The following ZNF225 variants were observed in gnomAD, a reference collection of about 807,000 sequenced individuals.
ZNF225 encodes zinc finger protein 225.
A neutral mutation model predicts 12.0 loss-of-function variants in ZNF225; 6 were observed. That is an observed-to-expected ratio of 0.50 (90% CI 0.27 to 0.98). ZNF225 has a LOEUF of 0.98. ZNF225 is among the 50% of genes least tolerant of loss of function. The pLI is 0.11. For missense variants in ZNF225, 763 were observed against 848.2 expected, an observed-to-expected ratio of 0.90 and a Z score of 1.25; for synonymous variants, 271 against 283.2, an observed-to-expected ratio of 0.96 and a Z score of 0.43.
At chr19:44,126,981 A>G (rs1210958859) in intron 4 of ZNF225, among the ~76,000 whole-genome samples, 1 of 152,330 alleles carries the variant, frequency 6.6e-6, no homozygotes, top group East Asian at 1.9e-4. Flanking sequence ...GCTGCAAAAG[A>G]AAAGGGCTTG....
Position 44,131,191 on chromosome 19 carries a change from A to G in ZNF225, c.577A>G (p.Ile193Val). 6.2e-7 allele frequency: 1 copy of G among 1,614,236 alleles called. No individual in the cohort carries two copies. The highest frequency in any genetic ancestry group is 8.5e-7 in the Non-Finnish European group (1 of 1,180,050). Residue 193 changes from isoleucine (I) to valine (V), a missense_variant, in exon 5 of 5, where the codon ATT (isoleucine) becomes GTT (valine). Physicochemically the swap from Ile to Val is conservative, Grantham distance 29. Coordinates refer to ENST00000262894, the MANE Select transcript of ZNF225 (RefSeq NM_013362.4). The part of the protein sequence containing the change: ...KSFCYSSALR[I>V]HQRVHMGEKL... ...TTTCTGTTATAGCTCAGCTCTTCGT[A>G]TTCATCAGAGAGTTCACATGGGGGA...
At chr19:44,120,757 G>A in intron 4 of ZNF225, among the ~76,000 whole-genome samples, 1 of 152,114 alleles carries the variant, frequency 6.6e-6, no homozygotes, top group East Asian at 1.9e-4. Flanking sequence ...GGGTATAGGT[G>A]ATATTTGGTT....
chr19:44,124,681 T>C (rs568248002), intron 4 of ZNF225, among the ~76,000 whole-genome samples: 43 of 152,342 alleles, frequency 2.8e-4, no homozygotes, highest in African/African-American at 1.0e-3. Flanking sequence ...AATTGTTTTA[T>C]AAATTTGGGA....
At chr19:44,127,551 CT>C (rs1340171023) in intron 4 of ZNF225, among the ~76,000 whole-genome samples, 1 of 152,206 alleles carries the variant, frequency 6.6e-6, no homozygotes, top group East Asian at 1.9e-4. Context: ...CTAGTCCTGC[CT>C]TCCGTCCGCC....
At chr19:44,126,443 G>T (rs919005277) in intron 4 of ZNF225, among the ~76,000 whole-genome samples, 1 of 152,180 alleles carries the variant, frequency 6.6e-6, no homozygotes, top group Non-Finnish European at 1.5e-5. Context: ...AGTGGAGGTG[G>T]TGGGGGTGTG....
Position 44,133,546 on chromosome 19 carries a change from G to C in ZNF225, c.*811G>C, listed in dbSNP as rs1968330121. 1 of 152,050 alleles carries C rather than the reference G, an allele frequency of 6.6e-6. No homozygotes were observed. Among genetic ancestry groups the C allele is most frequent in the Admixed American group, 6.6e-5 (1 of 15,258 alleles). The allele number at this position is 152,050 out of a possible 1,614,324, so 9.4% of individuals were successfully genotyped here. A position where few individuals can be genotyped will look rare whatever the true frequency, so the allele number is the denominator to read the frequency against. ...ATAAGTGAAGGAGTGGAAAAATCCT[G>C]GAGATAGAAATCAAGGGGTATACAT... On this transcript the variant is annotated 3_prime_UTR_variant, in exon 5 of 5. Coordinates refer to ENST00000262894, the MANE Select transcript of ZNF225 (RefSeq NM_013362.4).
chr19:44,131,257 CAG>C lies in ZNF225; in HGVS notation c.646_647del (p.Ser216LeufsTer19). ...TGATGTGTGTGGTAAGGAATTCAAT[CAG>C]AGCTCACATCTGCAAATTCATCAGA... ...NCDVCGKEFN[Q>X]SSHLQIHQRI... On this transcript the variant is annotated frameshift_variant, in exon 5 of 5. Transcript: ENST00000262894. LOFTEE classifies it low-confidence loss of function (END_TRUNC). The C allele has an allele frequency of 6.2e-7, 1 of 1,614,200 alleles. No homozygotes were observed.
At chr19:44,113,918 C>A (rs1266629010) in intron 1 of ZNF225, 1 of 236,796 alleles carries the variant, frequency 4.2e-6, no homozygotes. Flanking sequence ...CTGGTGGTCT[C>A]TTGTTAATTT....
chr19:44,128,863 T>C (rs757875718), intron 4 of ZNF225: 70 of 398,088 alleles, frequency 1.8e-4, no homozygotes, highest in Non-Finnish European at 2.8e-4. Flanking sequence ...TGAAAATGGG[T>C]ATAAAGGTCT....
In ZNF225 at chr19:44,132,000, G is replaced by A; in HGVS notation, c.1386G>A (p.Gly462=). Residue 462 remains glycine, a synonymous_variant, in exon 5 of 5, where the codon GGG becomes GGA. Transcript: ENST00000262894. ...GEKPYNCKEC[G]KSFGWASCLL... is the part of the protein sequence containing the mutation. ...AACCCTATAATTGTAAGGAATGTGG[G>A]AAGAGCTTTGGCTGGGCCTCGTGTC... 6.2e-7 allele frequency: 1 copy of A among 1,613,972 alleles called. No individual in the cohort carries two copies. Among genetic ancestry groups the A allele is most frequent in the East Asian group, 2.2e-5 (1 of 44,860 alleles).
intron 1 of ZNF225, among the ~76,000 whole-genome samples, chr19:44,114,625 C>T (rs996518252): frequency 6.6e-6 from 1 of 152,174 alleles, no homozygotes; most frequent in Non-Finnish European, 1.5e-5. Flanking sequence ...ATTCTCCTGC[C>T]TCAGCCTCCC....
Position 44,131,096 on chromosome 19 carries a change from C to A in ZNF225, c.482C>A (p.Ser161Tyr). The change falls in exon 5 of 5, where the codon TCC (serine) becomes TAC (tyrosine). Residue 161 changes from serine to tyrosine, a missense_variant. Transcript: ENST00000262894. ...TGTAAAAAGTCCTTTAGTGATGTCTCCGTCCTTGATCTTCATCAACAACTA... is the reference window on the plus strand; with the variant it reads ...TGTAAAAAGTCCTTTAGTGATGTCTACGTCCTTGATCTTCATCAACAACTA... ...RTCKKSFSDV[S>Y]VLDLHQQLQS... The A allele has an allele frequency of 6.2e-7, 1 of 1,614,130 alleles. No individual in the cohort carries two copies. The highest frequency in any genetic ancestry group is 1.1e-5 in the South Asian group (1 of 91,088).
At position 44,118,073 on chromosome 19, in the gene ZNF225, A is replaced by G. The variant is rs1967976257; in HGVS notation, c.16-115A>G. 8 of 1,150,024 alleles carry G rather than the reference A, an allele frequency of 7.0e-6. No individual in the cohort carries two copies. In the Admixed American group the frequency reaches 1.9e-4, roughly 27 times the overall value. The allele number at this position is 1,150,024 out of a possible 1,614,324, so 71.2% of individuals were successfully genotyped here. ...AAAAAGGAAGTCTGTGTGTTGACCT[A>G]TGTCTCTCAAGATCCAAAACAGCTT... On this transcript the variant is annotated intron_variant, in intron 2 of 4. Transcript: ENST00000262894.
rs374192346 is a variant in ZNF225 at position 44,132,516 on chromosome 19, A to G, written c.1902A>G (p.Arg634=). 20 of 1,613,962 alleles carry G rather than the reference A, an allele frequency of 1.2e-5. No homozygotes were observed. The African/African-American group carries it at 2.4e-4, about 19-fold the overall frequency. ...YKCEKCGKSF[R]WASTHLTHQR... ...GTGAGAAGTGTGGAAAGAGCTTCAGATGGGCCTCAACTCATCTAACCCATC... is the reference window on the plus strand; with the variant it reads ...GTGAGAAGTGTGGAAAGAGCTTCAGGTGGGCCTCAACTCATCTAACCCATC... The change falls in exon 5 of 5, where the codon AGA becomes AGG. Residue 634 remains arginine (R), a synonymous_variant. Coordinates refer to ENST00000262894, the MANE Select transcript of ZNF225 (RefSeq NM_013362.4).
chr19:44,118,808 C>G (rs1232933079), intron 4 of ZNF225, among the ~76,000 whole-genome samples: 3 of 151,652 alleles, frequency 2.0e-5, no homozygotes, highest in Admixed American at 2.0e-4. Context: ...GGCTCAAAAG[C>G]CTTTCTGGCT....
chr19:44,111,454 AAAC>A (rs1404448030), upstream of ZNF225, among the ~76,000 whole-genome samples: 1 of 152,154 alleles, frequency 6.6e-6, no homozygotes, highest in African/African-American at 2.4e-5. Flanking sequence ...AACAAACAAA[AAAC>A]AACCAAAACT....
rs11880898 is a variant in ZNF225, at chr19:44,118,768, T to A, written c.235+194T>A. On this transcript the variant is annotated intron_variant, in intron 4 of 4. Coordinates refer to ENST00000262894, the MANE Select transcript of ZNF225 (RefSeq NM_013362.4). The stretch of plus-strand genomic sequence containing the variant: ...TGTTTTCCTCATGGCAGCCAATGTA[T>A]TCCTTAGGAAAGTCAGACTGCCATT... Among the ~76,000 whole-genome samples, 4,257 of 152,172 alleles carry A rather than the reference T, an allele frequency of 0.028. 208 individuals are homozygous for A. Among genetic ancestry groups the A allele is most frequent in the African/African-American group, 0.095 (3,927 of 41,490 alleles).
In ZNF225 at chr19:44,132,162, G is replaced by A. The variant is rs1257049510; in HGVS notation, c.1548G>A (p.Glu516=). 6.2e-7 allele frequency: 1 copy of A among 1,613,740 alleles called. No homozygotes were observed. Among genetic ancestry groups the A allele is most frequent in the Non-Finnish European group, 8.5e-7 (1 of 1,179,884 alleles). Reference sequence around the variant, plus strand: ...GAGAAAAACCATTCAAATGTGAAGAGTGTGGGAAAAGATTTACTCAGAATT... The same window carrying A: ...GAGAAAAACCATTCAAATGTGAAGAATGTGGGAAAAGATTTACTCAGAATT... ...HSGEKPFKCE[E]CGKRFTQNSQ... is the part of the protein sequence containing the mutation. The change falls in exon 5 of 5, where the codon GAG becomes GAA. Residue 516 remains glutamate, a synonymous_variant. Coordinates refer to ENST00000262894, the MANE Select transcript of ZNF225 (RefSeq NM_013362.4).
At chr19:44,114,260 C>A in intron 1 of ZNF225, 2 of 806,714 alleles carry the variant, frequency 2.5e-6, no homozygotes, top group Non-Finnish European at 4.3e-6. Context: ...CTCACCCCAA[C>A]CGAGAGTGTA....
Sources: gnomAD v4.1 joint callset for allele counts (sites outside exome capture counted in the v4.1 genomes callset) on GRCh38, gnomAD v4.1.1 for gene constraint, MANE v1.5 for transcripts, NCBI Gene and HGNC (gene_info 2026-07-23, HGNC 2026-07-21) for gene names.